Variants in ZNF765 observed in about 807,000 individuals in gnomAD.
The protein encoded by ZNF765 is zinc finger protein 765.
In ZNF765, 37 loss-of-function variants were observed where a neutral mutation model predicts 44.7. That is an observed-to-expected ratio of 0.83 (90% CI 0.64 to 1.09). The LOEUF (loss-of-function observed/expected upper bound fraction) is 1.09. Ranked by LOEUF, ZNF765 falls within the 50% of genes least tolerant of loss-of-function variation. ZNF765 has a pLI of 0.00. For missense variants in ZNF765, 594 were observed against 626.1 expected (o/e 0.95, Z 0.55); for synonymous variants, 201 against 213.7 (o/e 0.94, Z 0.52).
At chr19:53,403,159 CA>C (rs113162788) in intron 3 of ZNF765, among the ~76,000 whole-genome samples, 38 of 138,146 alleles carry the variant, frequency 2.8e-4, no homozygotes, top group African/African-American at 4.5e-4. Flanking sequence ...GACTCTGTCT[CA>C]AAAAAAAAAA....
At chr19:53,402,330 C>T in intron 3 of ZNF765, 139 bp downstream of exon 3, 1 of 1,437,052 alleles carries the variant, frequency 7.0e-7, no homozygotes, top group Non-Finnish European at 9.2e-7. Context: ...GATCTCGGCT[C>T]ACGGCCAGCT....
At chr19:53,402,976 A>G (rs1179364977) in intron 3 of ZNF765, among the ~76,000 whole-genome samples, 1 of 152,020 alleles carries the variant, frequency 6.6e-6, no homozygotes, top group Non-Finnish European at 1.5e-5. Flanking sequence ...GGAGATCAAG[A>G]CCACCCTGGC....
At chr19:53,421,633 G>A (rs2147108395) in intron 3 of ZNF765, among the ~76,000 whole-genome samples, 1 of 152,244 alleles carries the variant, frequency 6.6e-6, no homozygotes, top group African/African-American at 2.4e-5. Context: ...TCCTGCCTCA[G>A]CCTCCCTAGT....
chr19:53,402,974 A>G (rs2085741819), intron 3 of ZNF765, among the ~76,000 whole-genome samples: 1 of 152,012 alleles, frequency 6.6e-6, no homozygotes, highest in Non-Finnish European at 1.5e-5. Flanking sequence ...CAGGAGATCA[A>G]GACCACCCTG....
At chr19:53,417,866 TG>T (rs111531218) in intron 3 of ZNF765, among the ~76,000 whole-genome samples, 14,958 of 152,184 alleles carry the variant, frequency 0.098, 799 homozygotes, top group Middle Eastern at 0.2. Flanking sequence ...AAATCTACTT[TG>T]GGTGGAAAGA....
In ZNF765 at chr19:53,405,903, CTATATATATA is replaced by C. The variant is rs10675178; in HGVS notation, c.143-1756_143-1747del. On this transcript the variant is annotated intron_variant, in intron 3 of 3. Coordinates refer to ENST00000396408, the MANE Select transcript of ZNF765 (RefSeq NM_001040185.3). Reference sequence around the variant, plus strand: ...TAGTGAACTAGATAATTAATACCAACTATATATATATATATATATATATATATATATATAT... The same window carrying C: ...TAGTGAACTAGATAATTAATACCAACTATATATATATATATATATATATAT... 2.7e-3 allele frequency among the ~76,000 whole-genome samples: 134 copies of C among 49,164 alleles called. 1 individual carries two copies. Among genetic ancestry groups the C allele is most frequent in the African/African-American group, 4.3e-3 (72 of 16,864 alleles). 32.3% of individuals were successfully genotyped at this position (49,164 alleles called of 152,430 possible).
At chr19:53,421,309 A>G (rs1343599228) in intron 3 of ZNF765, among the ~76,000 whole-genome samples, 1 of 152,122 alleles carries the variant, frequency 6.6e-6, no homozygotes, top group Non-Finnish European at 1.5e-5. Context: ...ATAGTGATCA[A>G]CAAATACTGA....
At chr19:53,401,518 G>C (rs1437674095) in intron 2 of ZNF765, among the ~76,000 whole-genome samples, 1 of 151,068 alleles carries the variant, frequency 6.6e-6, no homozygotes, top group Non-Finnish European at 1.5e-5. Flanking sequence ...AGCCGAGATC[G>C]CGCCACTGTA....
At chr19:53,400,874 C>G (rs1489372088) in intron 2 of ZNF765, among the ~76,000 whole-genome samples, 1 of 150,988 alleles carries the variant, frequency 6.6e-6, no homozygotes, top group Non-Finnish European at 1.5e-5. Flanking sequence ...ACTGTGTTGC[C>G]CAGGCTGGAG....
intron 3 of ZNF765, 133 bp downstream of exon 3, chr19:53,402,324 T>A: frequency 1.4e-6 from 2 of 1,455,114 alleles, no homozygotes; most frequent in African/African-American, 1.4e-5. Flanking sequence ...TGGCATGATC[T>A]CGGCTCACGG....
chr19:53,397,761 G>T (rs562379841), intron 1 of ZNF765, among the ~76,000 whole-genome samples, 182 bp from the exon 2 acceptor site: 7 of 152,156 alleles, frequency 4.6e-5, no homozygotes, highest in African/African-American at 1.7e-4. Flanking sequence ...GCTGCAGCGT[G>T]TGTGTGGGCT....
chr19:53,396,581 A>G (rs572528862), intron 1 of ZNF765, among the ~76,000 whole-genome samples: 1 of 151,330 alleles, frequency 6.6e-6, no homozygotes, highest in East Asian at 2.0e-4. Context: ...AGCTAAATAC[A>G]GACTTTTTTT....
chr19:53,415,871 A>G (rs62117299), downstream of ZNF765, among the ~76,000 whole-genome samples: 6 of 152,092 alleles, frequency 3.9e-5, no homozygotes, highest in Non-Finnish European at 5.9e-5. Flanking sequence ...CCACTATTGC[A>G]TCTCTCTGAC....
At position 53,418,846 on chromosome 19, in the gene ZNF765, T is replaced by C. The variant is rs1418964893; in HGVS notation, c.143-4216T>C. On this transcript the variant is annotated intron_variant, in intron 3 of 3. Coordinates refer to the ZNF765 transcript ENST00000594030. ...CTAGAACCTGGGGGGCGGAGGTTGCTGTGAGCCGAGATCACTCTACTTCAC... is the reference window on the plus strand; with the variant it reads ...CTAGAACCTGGGGGGCGGAGGTTGCCGTGAGCCGAGATCACTCTACTTCAC... Among the ~76,000 whole-genome samples, 4 of 144,196 alleles carry C rather than the reference T, an allele frequency of 2.8e-5. No individual in the cohort carries two copies. In the South Asian group the frequency reaches 8.7e-4, roughly 31 times the overall value. 94.6% of individuals were successfully genotyped at this position (144,196 alleles called of 152,430 possible). A position where few individuals can be genotyped will look rare whatever the true frequency, so the allele number is the denominator to read the frequency against.
chr19:53,415,942 T>C (rs1366798477), downstream of ZNF765, among the ~76,000 whole-genome samples: 1 of 91,512 alleles, frequency 1.1e-5, no homozygotes. Context: ...AACTTTCTTT[T>C]GTTTTGTTTT....
At chr19:53,403,999 G>GA (rs377532834) in intron 3 of ZNF765, among the ~76,000 whole-genome samples, 69 of 152,118 alleles carry the variant, frequency 4.5e-4, no homozygotes, top group African/African-American at 1.6e-3. Flanking sequence ...CTAAATAACA[G>GA]AAAAAAAAGT....
downstream of ZNF765, among the ~76,000 whole-genome samples, chr19:53,413,930 C>CAAAAAAAAAA (rs386389261): frequency 8.8e-5 from 7 of 79,800 alleles, no homozygotes; most frequent in East Asian, 4.2e-4. Context: ...GCTAGAAAGA[C>CAAAAAAAAAA]AAAAAAAAAA....
At chr19:53,416,094 A>G (rs2147104878), downstream of ZNF765, among the ~76,000 whole-genome samples, 1 of 152,160 alleles carries the variant, frequency 6.6e-6, no homozygotes, top group South Asian at 2.1e-4. Flanking sequence ...AGCTGGGATT[A>G]CAGGCGTGCA....
At chr19:53,413,878 C>T (rs1465535825), downstream of ZNF765, among the ~76,000 whole-genome samples, 1 of 133,830 alleles carries the variant, frequency 7.5e-6, no homozygotes, top group African/African-American at 2.8e-5. Flanking sequence ...CTGGGAACTG[C>T]AGCAGACAAA....
Sources: allele counts gnomAD v4.1 joint callset (sites outside exome capture counted in the v4.1 genomes callset), GRCh38; gene constraint gnomAD v4.1.1; transcripts MANE v1.5; gene names NCBI Gene and HGNC (gene_info 2026-07-23, HGNC 2026-07-21).